Variants in NEFL observed in about 807,000 individuals in gnomAD.
NEFL encodes neurofilament light chain, also known as neurofilament light polypeptide.
NEFL carries 36 observed loss-of-function variants against 51.6 expected under a neutral mutation model. The ratio of observed to expected loss-of-function variants is 0.70; its 90% CI spans 0.53 to 0.92. NEFL has a LOEUF of 0.92. Among genes scored for constraint, NEFL ranks in the 40% least tolerant of loss-of-function variants. NEFL has a pLI of 0.00. For synonymous variants in NEFL, 332 were observed against 302.5 expected, an observed-to-expected ratio of 1.10 and a Z score of -1.01; for missense variants, 671 against 722.0, an observed-to-expected ratio of 0.93 and a Z score of 0.81.
chr8:24,956,088 A>T lies in NEFL; in HGVS notation c.428T>A (p.Ile143Asn). Residue 143 changes from isoleucine (I) to asparagine (N), a missense_variant, in exon 1 of 4, where the codon ATC becomes AAC. Coordinates refer to ENST00000610854, the MANE Select transcript of NEFL (RefSeq NM_006158.5). This position sits in a 1 kb window ranked among gnomAD's most constrained non-coding sequence, Gnocchi z 5.9. ...SRFRALYEQE[I>N]RDLRLAAEDA... ...TTCCGCCGCCAGGCGCAGGTCGCGG[A>T]TCTCCTGCTCGTACAGCGCCCGGAA... The T allele has an allele frequency of 1.9e-6, 3 of 1,605,568 alleles. No individual in the cohort carries two copies. The highest frequency in any genetic ancestry group is 2.5e-6 in the Non-Finnish European group (3 of 1,178,676).
At chr8:24,953,833 T>C (rs1442549574) in intron 2 of NEFL, 38 bp from the exon 3 acceptor site, 1 of 1,555,786 alleles carries the variant, frequency 6.4e-7, no homozygotes, top group African/African-American at 1.4e-5. Context: ...AAAAAACACC[T>C]GTGTTTCACA....
Position 24,953,599 on chromosome 8 carries a change from C to T in NEFL, c.1366G>A (p.Glu456Lys), listed in dbSNP as rs1276099058. The T allele has an allele frequency of 6.2e-7, 1 of 1,613,878 alleles. No homozygotes were observed. The highest frequency in any genetic ancestry group is 1.7e-5 in the Admixed American group (1 of 60,002). Reference sequence around the variant, plus strand: ...TCAGCCTTGGCAGCCTCAATGGTTTCCTCCACTTCGATCTGCTCCTCTTGG... The same window carrying T: ...TCAGCCTTGGCAGCCTCAATGGTTTTCTCCACTTCGATCTGCTCCTCTTGG... ...HVQEEQIEVE[E>K]TIEAAKAEEA... is the part of the protein sequence containing the mutation. Residue 456 changes from glutamate to lysine, a missense_variant, in exon 3 of 4, where the codon GAA (glutamate) becomes AAA (lysine). Transcript: ENST00000610854.
chr8:24,955,819 C>T lies in NEFL; in HGVS notation c.697G>A (p.Glu233Lys). 6.2e-7 allele frequency: 1 copy of T among 1,611,866 alleles called. No individual in the cohort carries two copies. The highest frequency in any genetic ancestry group is 8.5e-7 in the Non-Finnish European group (1 of 1,179,858). The change falls in exon 1 of 4, where the codon GAA becomes AAA. Residue 233 changes from glutamate (E) to lysine (K), a missense_variant. Physicochemically the swap from Glu to Lys is moderately conservative, Grantham distance 56. Transcript: ENST00000610854. This position sits in a 1 kb window ranked among gnomAD's most constrained non-coding sequence, Gnocchi z 4.0. Reference protein sequence around the residue: ...LKKVHEEEIAELQAQIQYAQI... With the variant: ...LKKVHEEEIAKLQAQIQYAQI... Reference sequence around the variant, plus strand: ...GCGTACTGGATCTGCGCCTGCAGTTCGGCGATCTCCTCTTCGTGCACTTTC... The same window carrying T: ...GCGTACTGGATCTGCGCCTGCAGTTTGGCGATCTCCTCTTCGTGCACTTTC...
intron 1 of NEFL, among the ~76,000 whole-genome samples, chr8:24,954,743 A>C (rs1298382280): frequency 6.6e-6 from 1 of 152,100 alleles, no homozygotes; most frequent in African/African-American, 2.4e-5. Context: ...AATATTTCCT[A>C]TGTATCTAAA....
intron 3 of NEFL, 145 bp downstream of exon 3, chr8:24,953,331 T>C (rs1418695408): frequency 1.1e-5 from 16 of 1,474,400 alleles, no homozygotes; most frequent in Non-Finnish European, 1.4e-5. Context: ...CTTAGGAAAG[T>C]TTTGCTAAAC....
Position 24,952,424 on chromosome 8 carries a change from G to A in NEFL, c.*386C>T, listed in dbSNP as rs916321638. On this transcript the variant is annotated 3_prime_UTR_variant, in exon 4 of 4. Coordinates refer to ENST00000610854, the MANE Select transcript of NEFL (RefSeq NM_006158.5). ...TACTATTTATTGCACATAACTCAGG[G>A]TCTTTAATTGCTAACCACCGAAGGT... The A allele has an allele frequency of 5.5e-6, 1 of 180,796 alleles. No homozygotes were observed. 11.2% of individuals were successfully genotyped at this position (180,796 alleles called of 1,614,324 possible).
Position 24,950,993 on chromosome 8 carries a change from G to A in NEFL, c.*1817C>T, listed in dbSNP as rs905293227. On this transcript the variant is annotated 3_prime_UTR_variant, in exon 4 of 4. Coordinates refer to ENST00000610854, the MANE Select transcript of NEFL (RefSeq NM_006158.5). The stretch of plus-strand genomic sequence containing the variant: ...CTATTTTATTATGGCACACAGGATA[G>A]AGGATGGTACAGTTTTCTTACTTCA... 6.6e-6 allele frequency: 1 copy of A among 152,658 alleles called. No homozygotes were observed. Among genetic ancestry groups the A allele is most frequent in the African/African-American group, 2.4e-5 (1 of 41,456 alleles). The allele number at this position is 152,658 out of a possible 1,614,324, so 9.5% of individuals were successfully genotyped here. A position where few individuals can be genotyped will look rare whatever the true frequency, so the allele number is the denominator to read the frequency against.
At position 24,951,987 on chromosome 8, in the gene NEFL, C is replaced by T. The variant is rs1401795393; in HGVS notation, c.*823G>A. Reference sequence around the variant, plus strand: ...TTGAAATGACCTATTTATCATGGTTCCATAGTGTAATGGTTAGCACTCTAG... The same window carrying T: ...TTGAAATGACCTATTTATCATGGTTTCATAGTGTAATGGTTAGCACTCTAG... On this transcript the variant is annotated 3_prime_UTR_variant, in exon 4 of 4. Coordinates refer to ENST00000610854, the MANE Select transcript of NEFL (RefSeq NM_006158.5). 1 of 152,218 alleles carries T rather than the reference C, an allele frequency of 6.6e-6. No homozygotes were observed. Among genetic ancestry groups the T allele is most frequent in the African/African-American group, 2.4e-5 (1 of 41,404 alleles). 9.4% of individuals were successfully genotyped at this position (152,218 alleles called of 1,614,324 possible).
Position 24,956,232 on chromosome 8 carries a change from T to C in NEFL, c.284A>G (p.Gln95Arg). The C allele has an allele frequency of 1.2e-6, 2 of 1,611,754 alleles. No individual in the cohort carries two copies. Among genetic ancestry groups the C allele is most frequent in the Non-Finnish European group, 1.7e-6 (2 of 1,179,108 alleles). ...SIRTQEKAQL[Q>R]DLNDRFASFI... is the part of the protein sequence containing the mutation. ...GCTGGCGAAGCGGTCATTGAGGTCC[T>C]GGAGCTGCGCCTTCTCCTGCGTGCG... The change falls in exon 1 of 4, where the codon CAG becomes CGG. Residue 95 changes from glutamine (Q) to arginine (R), a missense_variant. Transcript: ENST00000610854. The surrounding 1 kb of genome is among the most constrained non-coding windows in gnomAD (Gnocchi z 5.9).
chr8:24,956,402 T>A lies in NEFL; in HGVS notation c.114A>T (p.Ser38=). ...CCGGCGCCGAGTAGCTGGAGTAAGCTGAGCGTGCGGTGCTGTAGCCGCTGC... is the reference window on the plus strand; with the variant it reads ...CCGGCGCCGAGTAGCTGGAGTAAGCAGAGCGTGCGGTGCTGTAGCCGCTGC... The part of the protein sequence containing the change: ...SVRSGYSTAR[S]AYSSYSAPVS... Residue 38 remains serine, a synonymous_variant, in exon 1 of 4, where the codon TCA becomes TCT. Transcript: ENST00000610854. The surrounding 1 kb of genome is among the most constrained non-coding windows in gnomAD (Gnocchi z 5.9). The A allele has an allele frequency of 6.2e-7, 1 of 1,604,058 alleles. No individual in the cohort carries two copies. The highest frequency in any genetic ancestry group is 1.1e-5 in the South Asian group (1 of 89,028).
At position 24,953,483 on chromosome 8, in the gene NEFL, C is replaced by T. The variant is rs1554497313; in HGVS notation, c.1482G>A (p.Glu494=). 1 of 1,573,334 alleles carries T rather than the reference C, an allele frequency of 6.4e-7. No individual in the cohort carries two copies. Among genetic ancestry groups the T allele is most frequent in the Non-Finnish European group, 8.6e-7 (1 of 1,159,200 alleles). ...GGTTTTTTCTTATCATACCTTCTTC[C>T]TCTTCAGCTGCCTCCTCTTCCTCGG... ...EEAEEEEAAE[E]EEAAKEESEE... Residue 494 remains glutamate, a synonymous_variant, in exon 3 of 4, where the codon GAG becomes GAA. Coordinates refer to ENST00000610854, the MANE Select transcript of NEFL (RefSeq NM_006158.5).
chr8:24,955,767 G>C lies in NEFL; in HGVS notation c.749C>G (p.Thr250Ser). ...GAGCGCGGCGGAAAGGTCGGGCTTG[G>C]TCACGTCCATCTCCACGGAGATCTG... ...YAQISVEMDV[T>S]KPDLSAALKD... Residue 250 changes from threonine to serine, a missense_variant, in exon 1 of 4, where the codon ACC becomes AGC. Coordinates refer to ENST00000610854, the MANE Select transcript of NEFL (RefSeq NM_006158.5). The surrounding 1 kb of genome is among the most constrained non-coding windows in gnomAD (Gnocchi z 4.0). 1.9e-6 allele frequency: 3 copies of C among 1,613,294 alleles called. No individual in the cohort carries two copies. Among genetic ancestry groups the C allele is most frequent in the Non-Finnish European group, 2.5e-6 (3 of 1,179,850 alleles).
In NEFL at chr8:24,952,679, C is replaced by T; in HGVS notation, c.*131G>A. On this transcript the variant is annotated 3_prime_UTR_variant, in exon 4 of 4. Coordinates refer to ENST00000610854, the MANE Select transcript of NEFL (RefSeq NM_006158.5). ...ACAACATTGAATGTCCAACCTAAGTCATCTCAGAATTATACATATATTGAC... is the reference window on the plus strand; with the variant it reads ...ACAACATTGAATGTCCAACCTAAGTTATCTCAGAATTATACATATATTGAC... The T allele has an allele frequency of 7.2e-7, 1 of 1,382,912 alleles. No homozygotes were observed. Among genetic ancestry groups the T allele is most frequent in the South Asian group, 1.4e-5 (1 of 71,832 alleles). The allele number at this position is 1,382,912 out of a possible 1,614,324, so 85.7% of individuals were successfully genotyped here.
In NEFL at chr8:24,955,870, A is replaced by G. The variant is rs1803042741; in HGVS notation, c.646T>C (p.Leu216=). 2 of 1,608,508 alleles carry G rather than the reference A, an allele frequency of 1.2e-6. No homozygotes were observed. Among genetic ancestry groups the G allele is most frequent in the Non-Finnish European group, 8.5e-7 (1 of 1,179,826 alleles). The change falls in exon 1 of 4, where the codon TTG becomes CTG. Residue 216 remains leucine, a synonymous_variant. Transcript: ENST00000610854. The surrounding 1 kb of genome is among the most constrained non-coding windows in gnomAD (Gnocchi z 4.0). ...TTCAGAAAAGAGATTTCGTCCATCA[A>G]GCTGTCGATGCGCTTCTCGAGCTCG... is the stretch of plus-strand genomic sequence containing the variant. ...RAELEKRIDS[L]MDEISFLKKV...
At position 24,955,186 on chromosome 8, in the gene NEFL, A is replaced by G. The variant is rs1213313746; in HGVS notation, c.1044+286T>C. ...GAGAGCTGATCTCACTGCAGGCCGG[A>G]GGCAACGCCCAATTCCCACGTCTTC... On this transcript the variant is annotated intron_variant, in intron 1 of 3. Transcript: ENST00000610854. The surrounding 1 kb of genome is among the most constrained non-coding windows in gnomAD (Gnocchi z 4.0). The G allele has an allele frequency of 1.2e-5, 6 of 511,482 alleles. No homozygotes were observed. The highest frequency in any genetic ancestry group is 2.1e-5 in the Non-Finnish European group (6 of 287,922). 31.7% of individuals were successfully genotyped at this position (511,482 alleles called of 1,614,324 possible). A position where few individuals can be genotyped will look rare whatever the true frequency, so the allele number is the denominator to read the frequency against.
At position 24,956,289 on chromosome 8, in the gene NEFL, A is replaced by G. The variant is rs58907919; in HGVS notation, c.227T>C (p.Val76Ala). Residue 76 changes from valine to alanine, a missense_variant, in exon 1 of 4, where the codon GTA becomes GCA. Val to Ala is a moderately conservative substitution (Grantham distance 64). Transcript: ENST00000610854. The surrounding 1 kb of genome is among the most constrained non-coding windows in gnomAD (Gnocchi z 5.9). ...CTTGAGGTCGTTGCTGATGGCGGCT[A>G]CCTGGCTCAGGTCGAGGTTCTCCAG... ...PSLENLDLSQ[V>A]AAISNDLKSI... The G allele has an allele frequency of 2.6e-4, 420 of 1,611,162 alleles. No individual in the cohort carries two copies. The East Asian group carries it at 8.3e-3, about 32-fold the overall frequency.
chr8:24,954,418 C>T (rs1803013660), intron 1 of NEFL, 113 bp from the exon 2 acceptor site: 1 of 1,211,948 alleles, frequency 8.3e-7, no homozygotes, highest in Admixed American at 2.8e-5. Flanking sequence ...AGGTGCACAC[C>T]TTTGATAAAA....
intron 1 of NEFL, among the ~76,000 whole-genome samples, chr8:24,954,941 G>T (rs1282661339): frequency 6.6e-6 from 1 of 151,462 alleles, no homozygotes; most frequent in Non-Finnish European, 1.5e-5. Context: ...AAAAGGAAAT[G>T]GTTTACTATG....
rs879529546 is a variant in NEFL, at chr8:24,951,820, T to TA, written c.*989dup. 3.3e-5 allele frequency: 5 copies of TA among 152,618 alleles called. No individual in the cohort carries two copies. The highest frequency in any genetic ancestry group is 7.4e-5 in the Non-Finnish European group (5 of 68,024). The allele number at this position is 152,618 out of a possible 1,614,324, so 9.5% of individuals were successfully genotyped here. On this transcript the variant is annotated 3_prime_UTR_variant, in exon 4 of 4. Coordinates refer to ENST00000610854, the MANE Select transcript of NEFL (RefSeq NM_006158.5). Reference sequence around the variant, plus strand: ...CCCTTCTCCTGAAATTATATATAGATAAAAAATTATTCCTTCTTATTGTAC... The same window carrying TA: ...CCCTTCTCCTGAAATTATATATAGATAAAAAAATTATTCCTTCTTATTGTAC...
Sources: gnomAD v4.1 joint callset for allele counts (sites outside exome capture counted in the v4.1 genomes callset) on GRCh38, gnomAD v4.1.1 for gene constraint, Gnocchi (gnomAD v3.1) non-coding constraint, MANE v1.5 for transcripts, NCBI Gene and HGNC (gene_info 2026-07-23, HGNC 2026-07-21) for gene names.